The following CYFIP2 variants were observed in gnomAD, a reference collection of about 807,000 sequenced individuals.
CYFIP2 encodes the protein cytoplasmic FMR1-interacting protein 2.
A neutral mutation model predicts 158.7 loss-of-function variants in CYFIP2; 29 were observed. The ratio of observed to expected loss-of-function variants is 0.18; its 90% CI spans 0.14 to 0.25. The LOEUF (loss-of-function observed/expected upper bound fraction) is 0.25, where lower values mean the gene tolerates loss of function less well. Among genes scored for constraint, CYFIP2 ranks in the 10% least tolerant of loss-of-function variants. CYFIP2 has a pLI of 1.00. For missense variants in CYFIP2, 852 were observed against 1,639.5 expected (o/e 0.52, Z 8.29); for synonymous variants, 585 against 617.6 (o/e 0.95, Z 0.78).
At position 157,298,422 on chromosome 5, in the gene CYFIP2, C is replaced by A. The variant is rs1035498501; in HGVS notation, c.387+1648C>A. Among the ~76,000 whole-genome samples the A allele has an allele frequency of 6.6e-5, 10 of 152,086 alleles. No homozygotes were observed. In the East Asian group the frequency reaches 1.9e-3, roughly 29 times the overall value. On this transcript the variant is annotated intron_variant, in intron 5 of 30. Coordinates refer to ENST00000620254, the MANE Select transcript of CYFIP2 (RefSeq NM_001037333.3). Reference sequence around the variant, plus strand: ...TCTCGGCTCACTGCAACTTCAGCCTCCTAGGTTCAAGTGATTCTCCTGCCT... The same window carrying A: ...TCTCGGCTCACTGCAACTTCAGCCTACTAGGTTCAAGTGATTCTCCTGCCT...
At chr5:157,359,530 C>G (rs1763655399) in intron 24 of CYFIP2, among the ~76,000 whole-genome samples, 1 of 152,162 alleles carries the variant, frequency 6.6e-6, no homozygotes, top group Admixed American at 6.5e-5. Context: ...TTTTCCACGC[C>G]CTTACCCATG....
chr5:157,390,728 C>T lies in CYFIP2; in HGVS notation c.3594+60C>T. On this transcript the variant is annotated intron_variant, in intron 30 of 30. Transcript: ENST00000620254. ...GGCTGGGCTGACAACCAGGCTTTTA[C>T]CAGAAAAGCAAACAAGGAGGAGCTG... The T allele has an allele frequency of 2.6e-6, 4 of 1,550,590 alleles. No homozygotes were observed. The South Asian group carries it at 3.6e-5, about 14-fold the overall frequency.
At chr5:157,388,483 A>G (rs1347823426) in intron 28 of CYFIP2, among the ~76,000 whole-genome samples, 1 of 152,216 alleles carries the variant, frequency 6.6e-6, no homozygotes, top group East Asian at 1.9e-4. Flanking sequence ...AAGAGTGACA[A>G]TCCCACTCAC....
chr5:157,378,068 T>G (rs541112447), intron 26 of CYFIP2, among the ~76,000 whole-genome samples: 1 of 152,246 alleles, frequency 6.6e-6, no homozygotes, highest in African/African-American at 2.4e-5. Context: ...AAATGGGGCT[T>G]TATGGGATGG....
At chr5:157,345,147 C>G (rs543114167) in intron 23 of CYFIP2, among the ~76,000 whole-genome samples, 1 of 152,328 alleles carries the variant, frequency 6.6e-6, no homozygotes, top group South Asian at 2.1e-4. Context: ...CACTCATCCT[C>G]CCCACACCAC....
intron 20 of CYFIP2, among the ~76,000 whole-genome samples, chr5:157,331,646 A>G (rs1456366014): frequency 1.3e-5 from 2 of 152,170 alleles, no homozygotes; most frequent in Non-Finnish European, 1.5e-5. Context: ...TAGAATTTGT[A>G]CTTCTGTCAA....
chr5:157,287,466 G>A (rs899427250), intron 3 of CYFIP2, among the ~76,000 whole-genome samples: 3 of 152,126 alleles, frequency 2.0e-5, no homozygotes, highest in African/African-American at 7.2e-5. Flanking sequence ...CAGAGCAAAA[G>A]GTTCCTTGAA....
At chr5:157,379,391 A>G (rs1765809035) in intron 26 of CYFIP2, among the ~76,000 whole-genome samples, 1 of 152,048 alleles carries the variant, frequency 6.6e-6, no homozygotes, top group Non-Finnish European at 1.5e-5. Flanking sequence ...TCCTTAAGAG[A>G]CACAAACCGC....
intron 11 of CYFIP2, among the ~76,000 whole-genome samples, chr5:157,312,202 A>C (rs1374210097): frequency 3.9e-5 from 6 of 152,174 alleles, no homozygotes; most frequent in Non-Finnish European, 5.9e-5. Flanking sequence ...ATGTTTTAAA[A>C]CTAAACAGTA....
rs1561713518 is a variant in CYFIP2, at chr5:157,309,722, CTG to C, written c.901-17_901-16del. On this transcript the variant is annotated intron_variant, in intron 9 of 30. Transcript: ENST00000620254. ...CAACCCCTCCTCAGCATCTCACGAG[CTG>C]TGTTTGCTTCCTTTGCAGCAGCTGC... is the stretch of plus-strand genomic sequence containing the variant. 2 of 1,584,408 alleles carry C rather than the reference CTG, an allele frequency of 1.3e-6. No homozygotes were observed. Among genetic ancestry groups the C allele is most frequent in the South Asian group, 1.2e-5 (1 of 86,548 alleles).
chr5:157,370,564 T>A (rs975532566), intron 26 of CYFIP2, among the ~76,000 whole-genome samples: 1 of 152,236 alleles, frequency 6.6e-6, no homozygotes, highest in African/African-American at 2.4e-5. Context: ...GGTGCTAACA[T>A]GTGCTGGTTT....
chr5:157,380,254 T>TA (rs1047424051), intron 26 of CYFIP2: 1 of 152,238 alleles, frequency 6.6e-6, no homozygotes, highest in Non-Finnish European at 1.5e-5. Flanking sequence ...CCGTGACCCC[T>TA]AAACTGTAAT....
At position 157,383,318 on chromosome 5, in the gene CYFIP2, C is replaced by T; in HGVS notation, c.3166C>T (p.Leu1056Phe). 6.2e-7 allele frequency: 1 copy of T among 1,613,958 alleles called. No individual in the cohort carries two copies. The highest frequency in any genetic ancestry group is 2.2e-5 in the East Asian group (1 of 44,882). Residue 1056 changes from leucine (L) to phenylalanine (F), a missense_variant, in exon 28 of 31, where the codon CTC becomes TTC. Physicochemically the swap from Leu to Phe is conservative, Grantham distance 22 (BLOSUM62 0). Coordinates refer to ENST00000620254, the MANE Select transcript of CYFIP2 (RefSeq NM_001037333.3). ...ACGTCTGGAAGCCAAGTATGCCCCG[C>T]TCCACCTGGTCCCTCTGATCGAGCG... is the stretch of plus-strand genomic sequence containing the variant. ...MKRLEAKYAP[L>F]HLVPLIERLG...
intron 28 of CYFIP2, chr5:157,384,369 A>C (rs1766436054): frequency 4.4e-6 from 2 of 456,622 alleles, no homozygotes; most frequent in Non-Finnish European, 8.8e-6. Context: ...GAAACAGGGT[A>C]TTCTAGTGAG....
rs376408771 is a variant in CYFIP2, at chr5:157,342,846, G to T, written c.2673+1689G>T. On this transcript the variant is annotated intron_variant, in intron 23 of 30. Transcript: ENST00000620254. ...AAGCTTTAGGCTACATGATGCGGGC[G>T]CTCTCCTCCCCACTCTCATTCCCCA... 10 of 1,597,632 alleles carry T rather than the reference G, an allele frequency of 6.3e-6. No homozygotes were observed. In the East Asian group the frequency reaches 9.0e-5, roughly 14 times the overall value.
chr5:157,286,412 T>C (rs1000582782), intron 2 of CYFIP2, among the ~76,000 whole-genome samples: 3 of 150,000 alleles, frequency 2.0e-5, no homozygotes, highest in African/African-American at 7.3e-5. Context: ...AGAACCATAC[T>C]ATATTTATTG....
intron 1 of CYFIP2, among the ~76,000 whole-genome samples, chr5:157,268,433 C>T (rs1325348321): frequency 2.0e-5 from 3 of 152,170 alleles, no homozygotes; most frequent in Non-Finnish European, 4.4e-5. Context: ...CTACATGACC[C>T]CTCTGATAAA....
intron 3 of CYFIP2, among the ~76,000 whole-genome samples, chr5:157,292,526 T>C (rs953439069): frequency 1.3e-5 from 2 of 152,194 alleles, no homozygotes; most frequent in African/African-American, 4.8e-5. Flanking sequence ...GCCAGCATAA[T>C]GTTTTCAAAG....
At chr5:157,273,538 C>T (rs1756285286) in intron 1 of CYFIP2, among the ~76,000 whole-genome samples, 1 of 152,124 alleles carries the variant, frequency 6.6e-6, no homozygotes, top group Admixed American at 6.5e-5. Context: ...TGGGCCTGCC[C>T]TGTATGGTCT....
Sources: gnomAD v4.1 joint callset for allele counts (sites outside exome capture counted in the v4.1 genomes callset) on GRCh38, gnomAD v4.1.1 for gene constraint, MANE v1.5 for transcripts, NCBI Gene and HGNC (gene_info 2026-07-23, HGNC 2026-07-21) for gene names.